Variants in TRAF5 observed in about 807,000 individuals in gnomAD.
TRAF5 encodes TNF receptor-associated factor 5.
In TRAF5, 48 loss-of-function variants were observed where a neutral mutation model predicts 64.5. The ratio of observed to expected loss-of-function variants is 0.74; its 90% CI spans 0.59 to 0.95. The LOEUF is 0.95. Ranked by LOEUF, TRAF5 falls within the 40% of genes least tolerant of loss-of-function variation. The probability of loss-of-function intolerance (pLI) is 0.00; values close to 1 mark genes in which losing one functional copy is unlikely to be tolerated. For synonymous variants in TRAF5, 206 were observed against 240.5 expected (o/e 0.86, Z 1.33); for missense variants, 545 against 662.8 (o/e 0.82, Z 1.95).
At chr1:211,348,527 G>C (rs1204508709) in intron 1 of TRAF5, among the ~76,000 whole-genome samples, 2 of 151,852 alleles carry the variant, frequency 1.3e-5, no homozygotes, top group East Asian at 3.9e-4. Context: ...TGTGCCCTTG[G>C]TGTTGTACCT....
rs186387940 is a variant in TRAF5 at position 211,356,113 on chromosome 1, T to A, written c.277-254T>A. ...TAAGAATGTGGGGTCAGGTTCACCA[T>A]GAGTTTCACCTAGTTGCAGCCTGGT... On this transcript the variant is annotated intron_variant, in intron 3 of 10. Transcript: ENST00000261464. Among the ~76,000 whole-genome samples the A allele has an allele frequency of 3.3e-5, 5 of 152,328 alleles. No homozygotes were observed. The East Asian group carries it at 9.7e-4, about 29-fold the overall frequency.
intron 1 of TRAF5, among the ~76,000 whole-genome samples, chr1:211,327,694 C>T (rs1572045590): frequency 6.6e-6 from 1 of 152,222 alleles, no homozygotes; most frequent in African/African-American, 2.4e-5. Context: ...TCTGCTCATT[C>T]GGCCTCCTTC....
intron 7 of TRAF5, among the ~76,000 whole-genome samples, chr1:211,363,289 C>A (rs1206018064): frequency 3.3e-5 from 5 of 152,096 alleles, no homozygotes; most frequent in Non-Finnish European, 5.9e-5. Flanking sequence ...AGCAAAAAAA[C>A]CCCACAACCC....
intron 8 of TRAF5, among the ~76,000 whole-genome samples, chr1:211,368,693 C>A (rs1333496626): frequency 1.3e-5 from 2 of 152,198 alleles, no homozygotes; most frequent in Middle Eastern, 3.2e-3. Flanking sequence ...AAGAGAAGAG[C>A]TGTCTAGGAT....
intron 5 of TRAF5, chr1:211,360,391 G>C (rs1703135769): frequency 2.1e-6 from 1 of 483,362 alleles, no homozygotes; most frequent in African/African-American, 1.9e-5. Flanking sequence ...GGGGAGGCAG[G>C]ATGCAGGCAT....
Position 211,360,715 on chromosome 1 carries a change from A to G in TRAF5, c.557A>G (p.Asn186Ser), listed in dbSNP as rs773887220. ...VVINLQNHEE[N>S]LCPEYPVFCP... ...TCTCTATTTCAGAATCATGAGGAAA[A>G]CTTGTGTCCTGAATACCCAGTATTT... Residue 186 changes from asparagine to serine, a missense_variant, in exon 6 of 11, where the codon AAC becomes AGC. By Grantham distance (46) the Asn-to-Ser change is conservative. Coordinates refer to ENST00000261464, the MANE Select transcript of TRAF5 (RefSeq NM_001033910.3). The G allele has an allele frequency of 3.1e-6, 5 of 1,613,882 alleles. No homozygotes were observed. In the East Asian group the frequency reaches 1.1e-4, roughly 36 times the overall value.
At chr1:211,334,396 T>C (rs890986668) in intron 1 of TRAF5, among the ~76,000 whole-genome samples, 15 of 152,202 alleles carry the variant, frequency 9.9e-5, no homozygotes, top group Non-Finnish European at 2.1e-4. Flanking sequence ...CGGTGGCTCA[T>C]GCCTGTAATC....
intron 1 of TRAF5, among the ~76,000 whole-genome samples, chr1:211,349,618 A>G (rs561281219): frequency 2.6e-5 from 4 of 152,308 alleles, no homozygotes; most frequent in Admixed American, 6.5e-5. Flanking sequence ...GGACACATAC[A>G]TTCAAATCAT....
chr1:211,373,367 A>G lies in TRAF5; in HGVS notation c.*665A>G, dbSNP rs1420615198. 1 of 152,246 alleles carries G rather than the reference A, an allele frequency of 6.6e-6. No individual in the cohort carries two copies. The highest frequency in any genetic ancestry group is 2.4e-5 in the African/African-American group (1 of 41,448). 9.4% of individuals were successfully genotyped at this position (152,246 alleles called of 1,614,324 possible). A position where few individuals can be genotyped will look rare whatever the true frequency, so the allele number is the denominator to read the frequency against. Reference sequence around the variant, plus strand: ...GCTGAAGTAAAGCAGAAAGTACTGCATAGTATATGAGATATAGCCAGCTAG... The same window carrying G: ...GCTGAAGTAAAGCAGAAAGTACTGCGTAGTATATGAGATATAGCCAGCTAG... On this transcript the variant is annotated 3_prime_UTR_variant, in exon 11 of 11. Transcript: ENST00000261464.
rs2230780 is a variant in TRAF5, at chr1:211,371,443, C to G, written c.1072C>G (p.Leu358Val). The G allele has an allele frequency of 2.1e-3, 3,446 of 1,606,798 alleles. 62 individuals carry two copies. The African/African-American group carries it at 0.04, about 19-fold the overall frequency. The change falls in exon 10 of 11, where the codon CTG (leucine) becomes GTG (valine). Residue 358 changes from leucine to valine, a missense_variant. Transcript: ENST00000261464. ...AVDTVKQKIT[L>V]LENNDQRLAV... ...TGATACAGTGAAACAGAAAATTACCCTGCTAGAAAACAATGATCAAAGATT... is the reference window on the plus strand; with the variant it reads ...TGATACAGTGAAACAGAAAATTACCGTGCTAGAAAACAATGATCAAAGATT...
Position 211,372,762 on chromosome 1 carries a change from T to G in TRAF5, c.*60T>G, listed in dbSNP as rs573131564. 2.8e-6 allele frequency: 4 copies of G among 1,418,536 alleles called. No individual in the cohort carries two copies. In the East Asian group the frequency reaches 9.2e-5, roughly 33 times the overall value. 87.9% of individuals were successfully genotyped at this position (1,418,536 alleles called of 1,614,324 possible). On this transcript the variant is annotated 3_prime_UTR_variant, in exon 11 of 11. Transcript: ENST00000261464. Reference sequence around the variant, plus strand: ...GCCAGAACTGTGGAGGAGAGCACATTTGATTATCATATTGACCTGGATTTA... The same window carrying G: ...GCCAGAACTGTGGAGGAGAGCACATGTGATTATCATATTGACCTGGATTTA...
chr1:211,332,363 C>T (rs1167823402), intron 1 of TRAF5, among the ~76,000 whole-genome samples: 1 of 152,222 alleles, frequency 6.6e-6, no homozygotes, highest in African/African-American at 2.4e-5. Flanking sequence ...TGATGCAAAG[C>T]CACCACCCAG....
chr1:211,356,005 G>GGA (rs1702950736), intron 3 of TRAF5, among the ~76,000 whole-genome samples: 2 of 152,198 alleles, frequency 1.3e-5, no homozygotes, highest in Admixed American at 6.5e-5. Context: ...CAGCCTCAGT[G>GGA]ACACTGTCTG....
Position 211,371,373 on chromosome 1 carries a change from C to G in TRAF5, c.1002C>G (p.Asn334Lys). 1.2e-6 allele frequency: 2 copies of G among 1,611,452 alleles called. No homozygotes were observed. Among genetic ancestry groups the G allele is most frequent in the Non-Finnish European group, 1.7e-6 (2 of 1,179,562 alleles). The change falls in exon 10 of 11, where the codon AAC becomes AAG. Residue 334 changes from asparagine to lysine, a missense_variant. Asn to Lys is a moderately conservative substitution (Grantham distance 94). Transcript: ENST00000261464. ...AQVHQLLQMVNQQQNKFDLRP... is the reference protein window; with the variant it reads ...AQVHQLLQMVKQQQNKFDLRP... ...TGCATCAATTATTACAAATGGTTAA[C>G]CAGCAACAAAATAAATTTGACCTGA... is the stretch of plus-strand genomic sequence containing the variant.
Position 211,372,188 on chromosome 1 carries a change from T to C in TRAF5, c.1160T>C (p.Leu387Pro). ...DTHINIHKAQ[L>P]SKNEERFKLL... ...CACATTAATATTCATAAAGCACAGCTGAGTAAAAATGAAGAGCGATTTAAA... is the reference window on the plus strand; with the variant it reads ...CACATTAATATTCATAAAGCACAGCCGAGTAAAAATGAAGAGCGATTTAAA... Residue 387 changes from leucine (L) to proline (P), a missense_variant, in exon 11 of 11, where the codon CTG becomes CCG. Transcript: ENST00000261464. The C allele has an allele frequency of 6.2e-7, 1 of 1,613,612 alleles. No individual in the cohort carries two copies. Among genetic ancestry groups the C allele is most frequent in the Non-Finnish European group, 8.5e-7 (1 of 1,179,906 alleles).
intron 4 of TRAF5, chr1:211,357,568 T>C (rs1427195240): frequency 6.6e-6 from 1 of 152,214 alleles, no homozygotes; most frequent in East Asian, 1.9e-4. Flanking sequence ...TTCTTTTATA[T>C]TTCCCCTCAT....
At chr1:211,338,844 C>T (rs1021634455) in intron 1 of TRAF5, among the ~76,000 whole-genome samples, 2 of 152,208 alleles carry the variant, frequency 1.3e-5, no homozygotes, top group Non-Finnish European at 2.9e-5. Flanking sequence ...AGGTTGGTCT[C>T]GAACTCCTGA....
At chr1:211,330,208 A>G (rs1425601596) in intron 1 of TRAF5, among the ~76,000 whole-genome samples, 2 of 152,132 alleles carry the variant, frequency 1.3e-5, no homozygotes, top group African/African-American at 4.8e-5. Flanking sequence ...TGTGATGTGC[A>G]GGTCTTAGAG....
At chr1:211,361,692 G>GTTTTTTT (rs71134676) in intron 7 of TRAF5, among the ~76,000 whole-genome samples, 1 of 75,318 alleles carries the variant, frequency 1.3e-5, no homozygotes, top group Non-Finnish European at 2.4e-5. Context: ...AATTATTCGG[G>GTTTTTTT]TTTTTTTTTT....
Sources: gnomAD v4.1 joint callset for allele counts (sites outside exome capture counted in the v4.1 genomes callset) on GRCh38, gnomAD v4.1.1 for gene constraint, MANE v1.5 for transcripts, NCBI Gene and HGNC (gene_info 2026-07-23, HGNC 2026-07-21) for gene names.